The following HADHA variants were observed in gnomAD, a reference collection of about 807,000 sequenced individuals.
HADHA encodes trifunctional enzyme subunit alpha, mitochondrial.
A neutral mutation model predicts 91.3 loss-of-function variants in HADHA; 59 were observed. That is an observed-to-expected ratio of 0.65 (90% CI 0.52 to 0.80). The LOEUF (loss-of-function observed/expected upper bound fraction) is 0.80, where lower values mean the gene tolerates loss of function less well. HADHA is among the 30% of genes least tolerant of loss of function. The pLI is 0.00. For missense variants in HADHA, 800 were observed against 927.6 expected (o/e 0.86, Z 1.79); for synonymous variants, 320 against 338.9 (o/e 0.94, Z 0.61).
intron 11 of HADHA, among the ~76,000 whole-genome samples, chr2:26,206,473 C>T (rs187743607): frequency 2.6e-5 from 4 of 152,208 alleles, no homozygotes; most frequent in African/African-American, 4.8e-5. Context: ...AGGTGATCCA[C>T]GCACCTCGGA....
chr2:26,191,466 C>T lies in HADHA; in HGVS notation c.2146+17G>A, dbSNP rs775606155. The T allele has an allele frequency of 6.2e-7, 1 of 1,614,160 alleles. No individual in the cohort carries two copies. Among genetic ancestry groups the T allele is most frequent in the East Asian group, 2.2e-5 (1 of 44,874 alleles). On this transcript the variant is annotated intron_variant, in intron 19 of 19. Transcript: ENST00000380649. ...TCCAGGCTAAAGTGAGCTTCCTTCC[C>T]AACCTGCGAGACCAACCTCCCAGAC...
intron 6 of HADHA, 49 bp from the exon 7 acceptor site, chr2:26,230,343 A>G (rs748678666): frequency 1.9e-6 from 2 of 1,040,640 alleles, no homozygotes; most frequent in Non-Finnish European, 3.0e-6. Context: ...AATCAGGGTG[A>G]TAATTATATA....
rs145362872 is a variant in HADHA, at chr2:26,229,981, C to T, written c.676+211G>A. 4.8e-3 allele frequency among the ~76,000 whole-genome samples: 729 copies of T among 152,334 alleles called. 3 individuals carry two copies. Among genetic ancestry groups the T allele is most frequent in the African/African-American group, 0.017 (710 of 41,572 alleles). ...TAGCTGGAACTACAGGTTTGCACCA[C>T]CACACCCGGCTAATCATTTTTAGTG... On this transcript the variant is annotated intron_variant, in intron 7 of 19. Coordinates refer to ENST00000380649, the MANE Select transcript of HADHA (RefSeq NM_000182.5). The surrounding 1 kb of genome is among the most constrained non-coding windows in gnomAD (Gnocchi z 4.3).
At chr2:26,196,790 C>A (rs1669686538) in intron 14 of HADHA, among the ~76,000 whole-genome samples, 1 of 152,164 alleles carries the variant, frequency 6.6e-6, no homozygotes, top group Non-Finnish European at 1.5e-5. Context: ...AACGGCATCG[C>A]CTGTACTGAT....
At chr2:26,224,789 T>C (rs1273485781) in intron 7 of HADHA, among the ~76,000 whole-genome samples, 1 of 152,204 alleles carries the variant, frequency 6.6e-6, no homozygotes, top group East Asian at 1.9e-4. Context: ...ATATGTTAAC[T>C]TGGCTAGGCT....
intron 7 of HADHA, among the ~76,000 whole-genome samples, chr2:26,220,195 T>C (rs1670342007): frequency 6.6e-6 from 1 of 152,180 alleles, no homozygotes; most frequent in Non-Finnish European, 1.5e-5. Flanking sequence ...AATGGAGTTT[T>C]AGCTCAGGTC....
intron 14 of HADHA, among the ~76,000 whole-genome samples, chr2:26,195,610 C>A (rs896302015): frequency 6.0e-5 from 9 of 150,452 alleles, no homozygotes; most frequent in Admixed American, 6.0e-4. Context: ...GGGGGTGGGG[C>A]AGGCAGAAGA....
intron 9 of HADHA, among the ~76,000 whole-genome samples, chr2:26,213,871 G>C (rs1425133288): frequency 6.6e-6 from 1 of 152,162 alleles, no homozygotes; most frequent in South Asian, 2.1e-4. Flanking sequence ...CACCAATTCT[G>C]AAGTCTTTGG....
chr2:26,240,193 C>T (rs1670858036), intron 1 of HADHA, among the ~76,000 whole-genome samples: 1 of 152,160 alleles, frequency 6.6e-6, no homozygotes, highest in Non-Finnish European at 1.5e-5. Context: ...AGGTGTTTCA[C>T]CAACCACATT....
At chr2:26,202,862 T>C (rs531104570) in intron 12 of HADHA, among the ~76,000 whole-genome samples, 16 of 152,390 alleles carry the variant, frequency 1.0e-4, no homozygotes, top group African/African-American at 3.8e-4. Flanking sequence ...TCAGTTGCTC[T>C]AATTCTAATG....
chr2:26,222,893 G>A (rs1670405762), intron 7 of HADHA, among the ~76,000 whole-genome samples: 3 of 152,190 alleles, frequency 2.0e-5, no homozygotes, highest in Admixed American at 2.0e-4. Context: ...ATTTTGCAGA[G>A]TCAATGTCCT....
chr2:26,197,753 C>T lies in HADHA; in HGVS notation c.1417G>A (p.Ala473Thr). 6.5e-7 allele frequency: 1 copy of T among 1,542,060 alleles called. No homozygotes were observed. The highest frequency in any genetic ancestry group is 9.0e-7 in the Non-Finnish European group (1 of 1,114,096). The change falls in exon 14 of 20, where the codon GCC becomes ACC. Residue 473 changes from alanine (A) to threonine (T), a missense_variant. Ala to Thr is a moderately conservative substitution (Grantham distance 58). Transcript: ENST00000380649. ...EAVIPDHCIF[A>T]SNTSALPISE... ...ATTGGGAGAGCAGATGTGTTACTGG[C>T]AAAGATACAGTGATCTGGAATCACC...
chr2:26,202,045 C>T (rs369596580), intron 12 of HADHA, among the ~76,000 whole-genome samples: 2 of 151,832 alleles, frequency 1.3e-5, no homozygotes, highest in Non-Finnish European at 2.9e-5. Context: ...GTGTTCCATC[C>T]GCCTCAGCCT....
At chr2:26,193,496 C>T (rs1000037528) in intron 17 of HADHA, 81 bp downstream of exon 17, 5 of 1,163,832 alleles carry the variant, frequency 4.3e-6, no homozygotes, top group Non-Finnish European at 6.5e-6. Flanking sequence ...TCCACGAGGG[C>T]TTCTGTAACT....
chr2:26,200,089 T>C (rs1189514846), intron 13 of HADHA, among the ~76,000 whole-genome samples: 1 of 152,216 alleles, frequency 6.6e-6, no homozygotes, highest in Non-Finnish European at 1.5e-5. Flanking sequence ...TGGAAGATTG[T>C]CCAAGGAATG....
intron 1 of HADHA, among the ~76,000 whole-genome samples, chr2:26,242,820 C>A (rs1399209895): frequency 1.3e-5 from 2 of 152,212 alleles, no homozygotes; most frequent in East Asian, 3.8e-4. Flanking sequence ...GGCGCGATCT[C>A]GGCTCACTGC....
Position 26,232,562 on chromosome 2 carries a change from G to A in HADHA, c.454-283C>T, listed in dbSNP as rs1403430209. ...GAAAAATGCACACACAATTTTATATGGACCCCAGGTTAAAAAGCCCCGGAC... is the reference window on the plus strand; with the variant it reads ...GAAAAATGCACACACAATTTTATATAGACCCCAGGTTAAAAAGCCCCGGAC... On this transcript the variant is annotated intron_variant, in intron 5 of 19. Coordinates refer to ENST00000380649, the MANE Select transcript of HADHA (RefSeq NM_000182.5). 3.3e-5 allele frequency among the ~76,000 whole-genome samples: 5 copies of A among 152,158 alleles called. No homozygotes were observed. The East Asian group carries it at 5.8e-4, about 18-fold the overall frequency.
At chr2:26,209,491 AGT>A (rs1302844615) in intron 11 of HADHA, among the ~76,000 whole-genome samples, 1 of 152,126 alleles carries the variant, frequency 6.6e-6, no homozygotes, top group Non-Finnish European at 1.5e-5. Context: ...GTGCAGAGGG[AGT>A]GTGTGGTTTG....
At chr2:26,241,953 T>C (rs1428076549) in intron 1 of HADHA, among the ~76,000 whole-genome samples, 2 of 152,036 alleles carry the variant, frequency 1.3e-5, no homozygotes, top group East Asian at 3.9e-4. Context: ...TCTCATTCTG[T>C]CCTCCAGGTG....
Sources: gnomAD v4.1 joint callset for allele counts (sites outside exome capture counted in the v4.1 genomes callset) on GRCh38, gnomAD v4.1.1 for gene constraint, Gnocchi (gnomAD v3.1) non-coding constraint, MANE v1.5 for transcripts, NCBI Gene and HGNC (gene_info 2026-07-23, HGNC 2026-07-21) for gene names.